The following PIP5K1C variants were observed in gnomAD, a reference collection of about 807,000 sequenced individuals.
PIP5K1C encodes phosphatidylinositol-4-phosphate 5-kinase type 1 gamma, also known as phosphatidylinositol 4-phosphate 5-kinase type-1 gamma.
PIP5K1C carries 45 observed loss-of-function variants against 80.1 expected under a neutral mutation model. The observed-to-expected ratio is 0.56, with a 90% confidence interval of 0.44 to 0.72. The LOEUF is 0.72. Among genes scored for constraint, PIP5K1C ranks in the 30% least tolerant of loss-of-function variants. The probability of loss-of-function intolerance (pLI) is 0.00; values close to 1 mark genes in which losing one functional copy is unlikely to be tolerated. For missense variants in PIP5K1C, 753 were observed against 954.6 expected (o/e 0.79, Z 2.78); for synonymous variants, 498 against 420.1 (o/e 1.19, Z -2.27).
In PIP5K1C at chr19:3,630,754, C is replaced by G. The variant is rs2033447882; in HGVS notation, c.*2413G>C. The G allele has an allele frequency of 6.6e-6, 1 of 152,222 alleles. No homozygotes were observed. The highest frequency in any genetic ancestry group is 1.5e-5 in the Non-Finnish European group (1 of 68,042). 9.4% of individuals were successfully genotyped at this position (152,222 alleles called of 1,614,324 possible). A position where few individuals can be genotyped will look rare whatever the true frequency, so the allele number is the denominator to read the frequency against. ...TACAGTACAGGAATTTGGACACTGC[C>G]CACGTTCTCAGTGGACAGCAGCCAT... On this transcript the variant is annotated 3_prime_UTR_variant, in exon 18 of 18. Transcript: ENST00000335312.
At chr19:3,675,251 T>A (rs764605086) in intron 1 of PIP5K1C, among the ~76,000 whole-genome samples, 1 of 152,206 alleles carries the variant, frequency 6.6e-6, no homozygotes, top group African/African-American at 2.4e-5. Context: ...AGAGTGAATT[T>A]TGTGTCCCAG....
In PIP5K1C at chr19:3,698,192, C is replaced by T. The variant is rs4807500; in HGVS notation, c.94+2105G>A. 5.4e-3 allele frequency among the ~76,000 whole-genome samples: 828 copies of T among 152,314 alleles called. 20 individuals are homozygous for T. In the East Asian group the frequency reaches 0.06, roughly 11 times the overall value. On this transcript the variant is annotated intron_variant, in intron 1 of 17. Coordinates refer to ENST00000335312, the MANE Select transcript of PIP5K1C (RefSeq NM_012398.3). ...GGCCTCAGCAGGGGCCTGGAGGCAC[C>T]GATGGTGGAGAGGCCGGAAAGGGGT... is the stretch of plus-strand genomic sequence containing the variant.
intron 5 of PIP5K1C, among the ~76,000 whole-genome samples, chr19:3,658,788 A>C (rs999309039): frequency 2.6e-5 from 4 of 152,224 alleles, no homozygotes; most frequent in Admixed American, 2.6e-4. Context: ...GATGACAGGG[A>C]AATTCTGAAG....
At chr19:3,646,139 A>C in intron 10 of PIP5K1C, 81 bp from the exon 11 acceptor site, 3 of 822,106 alleles carry the variant, frequency 3.6e-6, no homozygotes, top group Non-Finnish European at 4.3e-6. Flanking sequence ...CAGACGCTGT[A>C]TGTGTGTGGG....
intron 1 of PIP5K1C, among the ~76,000 whole-genome samples, chr19:3,667,963 C>A (rs927347533): frequency 3.3e-5 from 5 of 152,148 alleles, no homozygotes; most frequent in African/African-American, 1.2e-4. Flanking sequence ...GGCCAGGGGT[C>A]CCCAGGGCTG....
intron 8 of PIP5K1C, among the ~76,000 whole-genome samples, chr19:3,651,481 C>A (rs372027926): frequency 1.3e-5 from 2 of 152,240 alleles, no homozygotes; most frequent in African/African-American, 4.8e-5. Flanking sequence ...ACCTTTGTGG[C>A]CCCTCTCTGC....
intron 13 of PIP5K1C, 40 bp downstream of exon 13, chr19:3,643,203 C>T (rs773506250): frequency 6.2e-6 from 10 of 1,608,890 alleles, no homozygotes; most frequent in African/African-American, 1.3e-5. Flanking sequence ...CCACGCACAG[C>T]GGATGCCCCG....
At chr19:3,662,060 C>T in intron 3 of PIP5K1C, 59 bp from the exon 4 acceptor site, 1 of 1,530,106 alleles carries the variant, frequency 6.5e-7, no homozygotes, top group South Asian at 1.2e-5. Flanking sequence ...CCTGCACCCC[C>T]TGTGTGCACC....
intron 1 of PIP5K1C, among the ~76,000 whole-genome samples, chr19:3,689,001 T>C (rs2035863932): frequency 6.6e-6 from 1 of 152,168 alleles, no homozygotes; most frequent in Non-Finnish European, 1.5e-5. Context: ...GTGAGCTCCC[T>C]GTGGATAAAT....
At chr19:3,687,956 G>A (rs937250880) in intron 1 of PIP5K1C, among the ~76,000 whole-genome samples, 2 of 152,208 alleles carry the variant, frequency 1.3e-5, no homozygotes, top group African/African-American at 4.8e-5. Context: ...CAGGGAGAAA[G>A]AGGCTCCACT....
rs770318100 is a variant in PIP5K1C, at chr19:3,643,197, G to A, written c.1649+46C>T. On this transcript the variant is annotated intron_variant, in intron 13 of 17. Transcript: ENST00000335312. ...CATGCAGTGAATGCCCCGCCCCCAC[G>A]CACAGCGGATGCCCCGCCCACATGC... 42 of 1,608,232 alleles carry A rather than the reference G, an allele frequency of 2.6e-5. No homozygotes were observed. In the East Asian group the frequency reaches 2.7e-4, roughly 10 times the overall value.
intron 1 of PIP5K1C, among the ~76,000 whole-genome samples, chr19:3,683,125 C>T (rs1290751027): frequency 1.3e-5 from 2 of 152,148 alleles, no homozygotes; most frequent in Non-Finnish European, 2.9e-5. Flanking sequence ...CCCTGGTCAC[C>T]CTGCCCCCGC....
chr19:3,645,550 G>A (rs2034176636), intron 11 of PIP5K1C, among the ~76,000 whole-genome samples: 1 of 152,224 alleles, frequency 6.6e-6, no homozygotes, highest in African/African-American at 2.4e-5. Flanking sequence ...AGCCTCCTGC[G>A]TTCCCCTGCC....
In PIP5K1C at chr19:3,648,829, C is replaced by G. The variant is rs950233843; in HGVS notation, c.1128-121G>C. The G allele has an allele frequency of 1.3e-6, 1 of 786,940 alleles. No individual in the cohort carries two copies. The highest frequency in any genetic ancestry group is 2.2e-6 in the Non-Finnish European group (1 of 463,528). The allele number at this position is 786,940 out of a possible 1,614,324, so 48.7% of individuals were successfully genotyped here. On this transcript the variant is annotated intron_variant, in intron 8 of 17. Transcript: ENST00000335312. This position sits in a 1 kb window ranked among gnomAD's most constrained non-coding sequence, Gnocchi z 4.3. ...TCCTGTGGGTGGCAACTTGGCCAAG[C>G]TCTCGGAGTGGGGCCTGGCACCCGG... is the stretch of plus-strand genomic sequence containing the variant.
rs558348524 is a variant in PIP5K1C, at chr19:3,637,923, G to A, written c.1920+961C>T. The A allele has an allele frequency of 9.1e-6, 14 of 1,535,290 alleles. No individual in the cohort carries two copies. The highest frequency in any genetic ancestry group is 8.2e-5 in the African/African-American group (6 of 73,142). ...CAGTCCCAGGAAAAGGGGTGACGAC[G>A]TGCGGTGGGTAGGGGCACAGGCACG... On this transcript the variant is annotated intron_variant, in intron 16 of 17. Transcript: ENST00000335312. The surrounding 1 kb of genome is among the most constrained non-coding windows in gnomAD (Gnocchi z 7.0).
At chr19:3,634,384 C>T (rs1018563294) in intron 16 of PIP5K1C, among the ~76,000 whole-genome samples, 2 of 151,494 alleles carry the variant, frequency 1.3e-5, no homozygotes, top group African/African-American at 4.9e-5. Context: ...CTTGTTGTGT[C>T]CTCCTCTCTC....
intron 4 of PIP5K1C, 23 bp downstream of exon 4, chr19:3,661,848 G>A: frequency 1.2e-6 from 2 of 1,609,734 alleles, no homozygotes; most frequent in African/African-American, 1.3e-5. Flanking sequence ...GGTGAGCCCT[G>A]AGGCTCCGGG....
intron 16 of PIP5K1C, chr19:3,638,114 G>C (rs1388650678): frequency 1.5e-6 from 2 of 1,368,076 alleles, no homozygotes; most frequent in South Asian, 3.0e-5. Flanking sequence ...GGGGTGCAGG[G>C]TGAGAACAAA....
At chr19:3,634,815 C>T (rs1196292929) in intron 16 of PIP5K1C, among the ~76,000 whole-genome samples, 1 of 152,260 alleles carries the variant, frequency 6.6e-6, no homozygotes, top group Non-Finnish European at 1.5e-5. Context: ...CCTACAGCTT[C>T]CACAAGACCC....
Sources: allele counts gnomAD v4.1 joint callset (sites outside exome capture counted in the v4.1 genomes callset), GRCh38; gene constraint gnomAD v4.1.1; non-coding constraint Gnocchi (gnomAD v3.1); transcripts MANE v1.5; gene names NCBI Gene and HGNC (gene_info 2026-07-23, HGNC 2026-07-21).